Variants in CAMSAP1 observed in about 807,000 individuals in gnomAD.
CAMSAP1 encodes the protein calmodulin regulated spectrin associated protein 1, also known as calmodulin-regulated spectrin-associated protein 1.
Under a neutral mutation model 143.5 loss-of-function variants are expected in CAMSAP1, and 58 were observed. The ratio of observed to expected loss-of-function variants is 0.40; its 90% CI spans 0.33 to 0.50. CAMSAP1 has a LOEUF of 0.50. CAMSAP1 is among the 20% of genes least tolerant of loss of function. CAMSAP1 has a pLI of 0.45. For synonymous variants in CAMSAP1, 945 were observed against 859.3 expected, an observed-to-expected ratio of 1.10 and a Z score of -1.74; for missense variants, 1,969 against 2,115.7, an observed-to-expected ratio of 0.93 and a Z score of 1.36.
chr9:135,848,217 A>G (rs778167938), intron 7 of CAMSAP1, among the ~76,000 whole-genome samples: 1 of 151,980 alleles, frequency 6.6e-6, no homozygotes, highest in Non-Finnish European at 1.5e-5. Flanking sequence ...AAGGAAAGTT[A>G]AGTCCAGGGA....
chr9:135,832,248 T>C (rs1224080537), intron 7 of CAMSAP1, among the ~76,000 whole-genome samples: 1 of 152,194 alleles, frequency 6.6e-6, no homozygotes, highest in Admixed American at 6.5e-5. Context: ...CTCCCTGAAA[T>C]GCCAGGTTGG....
chr9:135,902,350 G>A (rs1163950776), intron 1 of CAMSAP1, among the ~76,000 whole-genome samples: 1 of 152,194 alleles, frequency 6.6e-6, no homozygotes, highest in Non-Finnish European at 1.5e-5. Context: ...GCCATCAAGA[G>A]CAGCCTCTTC....
At position 135,823,981 on chromosome 9, in the gene CAMSAP1, C is replaced by G. The variant is rs765470858; in HGVS notation, c.1369G>C (p.Ala457Pro). 4.4e-6 allele frequency: 7 copies of G among 1,588,802 alleles called. No homozygotes were observed. Among genetic ancestry groups the G allele is most frequent in the Non-Finnish European group, 6.0e-6 (7 of 1,167,070 alleles). ...TTTTTTTCTGGCCAGGCTATTGCTG[C>G]TCCTCGAGGCTGACCATCAACTCGG... ...LTRVDGQPRG[A>P]AIAWPEKKTR... Residue 457 changes from alanine (A) to proline (P), a missense_variant, in exon 10 of 17, where the codon GCA becomes CCA. Around this residue, in one of 4 missense-constraint regions of CAMSAP1, gnomAD observed 1,390 missense variants for 1,420.8 expected, o/e 0.98. Transcript: ENST00000389532.
At chr9:135,905,407 C>A (rs899461870) in intron 1 of CAMSAP1, among the ~76,000 whole-genome samples, 1 of 152,230 alleles carries the variant, frequency 6.6e-6, no homozygotes, top group Non-Finnish European at 1.5e-5. Flanking sequence ...ACATCCGCTG[C>A]CTGAGCCCTC....
chr9:135,846,768 A>C (rs1836571533), intron 7 of CAMSAP1, among the ~76,000 whole-genome samples: 2 of 152,172 alleles, frequency 1.3e-5, no homozygotes, highest in Admixed American at 1.3e-4. Context: ...TGCGGCCGAC[A>C]AACATAAGAA....
Position 135,817,584 on chromosome 9 carries a change from T to C in CAMSAP1, c.4271+393A>G, listed in dbSNP as rs150551902. On this transcript the variant is annotated intron_variant, in intron 14 of 16. Transcript: ENST00000389532. ...CTTTTTTTTGTATTTTTTGTAGAGA[T>C]GGGGGGGTCTCACTCTGTTGCCCAG... Among the ~76,000 whole-genome samples the C allele has an allele frequency of 8.8e-4, 134 of 151,926 alleles. 1 individual carries two copies. In the Middle Eastern group the frequency reaches 0.034, roughly 39 times the overall value.
chr9:135,893,286 AAAAGGCAGG>A (rs975426046), intron 1 of CAMSAP1, among the ~76,000 whole-genome samples: 5 of 150,742 alleles, frequency 3.3e-5, no homozygotes, highest in Admixed American at 3.3e-4. Context: ...AAAAAAAGAA[AAAAGGCAGG>A]AAAGGCAGGA....
chr9:135,893,005 CA>C (rs1272642223), intron 1 of CAMSAP1, among the ~76,000 whole-genome samples: 1 of 151,854 alleles, frequency 6.6e-6, no homozygotes, highest in Non-Finnish European at 1.5e-5. Context: ...CCTATCTCTA[CA>C]AAAAGTTTTA....
intron 7 of CAMSAP1, among the ~76,000 whole-genome samples, chr9:135,849,350 T>C (rs1009205557): frequency 6.6e-6 from 1 of 152,220 alleles, no homozygotes; most frequent in African/African-American, 2.4e-5. Context: ...TGCATCGCTT[T>C]TGCACCACGG....
chr9:135,811,114 C>T lies in CAMSAP1; in HGVS notation c.*195G>A, dbSNP rs754128620. 1.3e-4 allele frequency: 87 copies of T among 653,184 alleles called. No individual in the cohort carries two copies. Among genetic ancestry groups the T allele is most frequent in the Non-Finnish European group, 1.8e-4 (68 of 387,538 alleles). 40.5% of individuals were successfully genotyped at this position (653,184 alleles called of 1,614,324 possible). A position where few individuals can be genotyped will look rare whatever the true frequency, so the allele number is the denominator to read the frequency against. The stretch of plus-strand genomic sequence containing the variant: ...TCCTCACCCTGCCTGGCATCCTCTG[C>T]GTGAGATGAGCGCTGAGAGAGGGGT... On this transcript the variant is annotated 3_prime_UTR_variant, in exon 17 of 17. Transcript: ENST00000389532. The surrounding 1 kb of genome is among the most constrained non-coding windows in gnomAD (Gnocchi z 4.9).
At chr9:135,852,800 AT>A (rs1316639126) in intron 5 of CAMSAP1, among the ~76,000 whole-genome samples, 1 of 152,224 alleles carries the variant, frequency 6.6e-6, no homozygotes, top group African/African-American at 2.4e-5. Flanking sequence ...ATCTGGGACA[AT>A]TTAAGCAACA....
At chr9:135,889,899 G>A (rs185935643) in intron 1 of CAMSAP1, among the ~76,000 whole-genome samples, 5 of 152,260 alleles carry the variant, frequency 3.3e-5, no homozygotes, top group Admixed American at 2.6e-4. Context: ...GCTCCCACCC[G>A]TAGCTCGCTC....
chr9:135,825,472 G>T (rs1244514261), intron 8 of CAMSAP1, among the ~76,000 whole-genome samples: 1 of 152,144 alleles, frequency 6.6e-6, no homozygotes, highest in African/African-American at 2.4e-5. Context: ...CCACTCCTTG[G>T]ATTATAGCTT....
intron 3 of CAMSAP1, among the ~76,000 whole-genome samples, chr9:135,867,348 A>T (rs987324546): frequency 6.6e-6 from 1 of 152,234 alleles, no homozygotes; most frequent in Non-Finnish European, 1.5e-5. Context: ...CATGATTAAA[A>T]GAGTCCTTTG....
intron 5 of CAMSAP1, among the ~76,000 whole-genome samples, chr9:135,860,092 G>A (rs961867367): frequency 6.6e-6 from 1 of 151,602 alleles, no homozygotes; most frequent in Admixed American, 6.6e-5. Flanking sequence ...ATGGTCGTAC[G>A]TGCCTGTAGT....
chr9:135,857,789 C>T (rs1282753799), intron 5 of CAMSAP1, among the ~76,000 whole-genome samples: 2 of 152,148 alleles, frequency 1.3e-5, no homozygotes, highest in East Asian at 1.9e-4. Context: ...GTGAGAGAGA[C>T]GGTGGCTTCT....
rs1834977040 is a variant in CAMSAP1, at chr9:135,809,817, TA to T, written c.*1491del. 6.6e-6 allele frequency: 1 copy of T among 152,580 alleles called. No individual in the cohort carries two copies. 9.5% of individuals were successfully genotyped at this position (152,580 alleles called of 1,614,324 possible). ...ATATATACAAAATCGCAAGAGACTG[TA>T]CTTCTCTTCAAAGGACTGAGGAAAG... On this transcript the variant is annotated 3_prime_UTR_variant, in exon 17 of 17. Coordinates refer to ENST00000389532, the MANE Select transcript of CAMSAP1 (RefSeq NM_015447.4).
rs982621957 is a variant in CAMSAP1, at chr9:135,820,473, C to A, written c.3822+366G>T. ...AGGCCAGGCCTGGCCACCTCCAGAGCATTCTAACGACGAACGCTTTTTACG... is the reference window on the plus strand; with the variant it reads ...AGGCCAGGCCTGGCCACCTCCAGAGAATTCTAACGACGAACGCTTTTTACG... On this transcript the variant is annotated intron_variant, in intron 11 of 16. Transcript: ENST00000389532. This position sits in a 1 kb window ranked among gnomAD's most constrained non-coding sequence, Gnocchi z 4.4. Among the ~76,000 whole-genome samples the A allele has an allele frequency of 1.3e-5, 2 of 152,046 alleles. No homozygotes were observed. The highest frequency in any genetic ancestry group is 2.4e-5 in the African/African-American group (1 of 41,384).
Position 135,882,969 on chromosome 9 carries a change from A to G in CAMSAP1, c.270T>C (p.Arg90=), listed in dbSNP as rs1294709662. 2 of 1,551,752 alleles carry G rather than the reference A, an allele frequency of 1.3e-6. No individual in the cohort carries two copies. The highest frequency in any genetic ancestry group is 8.7e-7 in the Non-Finnish European group (1 of 1,147,004). ...KLLLSSELYC[R]VCSLILKGDQ... Reference sequence around the variant, plus strand: ...CCCCTTTCAGGATGAGGCTGCAGACACGGCAGTACAGCTCGCTGGACAGGA... The same window carrying G: ...CCCCTTTCAGGATGAGGCTGCAGACGCGGCAGTACAGCTCGCTGGACAGGA... Residue 90 remains arginine (R), a synonymous_variant, in exon 2 of 17, where the codon CGT becomes CGC. Coordinates refer to ENST00000389532, the MANE Select transcript of CAMSAP1 (RefSeq NM_015447.4). The surrounding 1 kb of genome is among the most constrained non-coding windows in gnomAD (Gnocchi z 4.9).
Sources: gnomAD v4.1 joint callset for allele counts (sites outside exome capture counted in the v4.1 genomes callset) on GRCh38, gnomAD v4.1.1 for gene constraint, gnomAD v4.1.1 regional missense constraint, Gnocchi (gnomAD v3.1) non-coding constraint, MANE v1.5 for transcripts, NCBI Gene and HGNC (gene_info 2026-07-23, HGNC 2026-07-21) for gene names.